The following GSTCD variants were observed in gnomAD, a reference collection of about 807,000 sequenced individuals.
The protein encoded by GSTCD is glutathione S-transferase C-terminal domain containing, also known as glutathione S-transferase C-terminal domain-containing protein.
In GSTCD, 44 loss-of-function variants were observed where a neutral mutation model predicts 68.3. The observed-to-expected ratio is 0.64, with a 90% CI of 0.51 to 0.83. GSTCD has a LOEUF of 0.83. GSTCD is among the 40% of genes least tolerant of loss of function. The probability of loss-of-function intolerance (pLI) is 0.00; values close to 1 mark genes in which losing one functional copy is unlikely to be tolerated. For synonymous variants in GSTCD, 273 were observed against 255.2 expected, an observed-to-expected ratio of 1.07 and a Z score of -0.67; for missense variants, 739 against 735.9, an observed-to-expected ratio of 1.00 and a Z score of -0.05.
At chr4:105,797,046 ATG>A (rs201988913) in intron 5 of GSTCD, among the ~76,000 whole-genome samples, 2,406 of 145,048 alleles carry the variant, frequency 0.017, 28 homozygotes, top group East Asian at 0.035. Context: ...ACAGAGATAC[ATG>A]TGTGTGTGTG....
intron 5 of GSTCD, among the ~76,000 whole-genome samples, chr4:105,744,580 A>G (rs1733740265): frequency 6.6e-6 from 1 of 152,120 alleles, no homozygotes; most frequent in African/African-American, 2.4e-5. Context: ...ATTCAACACT[A>G]TTATTGTTAG....
At chr4:105,767,635 A>T (rs1734670324) in intron 5 of GSTCD, among the ~76,000 whole-genome samples, 1 of 152,200 alleles carries the variant, frequency 6.6e-6, no homozygotes, top group African/African-American at 2.4e-5. Context: ...CTGTGGATCT[A>T]AGAAGACAGA....
intron 5 of GSTCD, among the ~76,000 whole-genome samples, chr4:105,804,880 G>A (rs1160571689): frequency 6.6e-6 from 1 of 152,014 alleles, no homozygotes; most frequent in African/African-American, 2.4e-5. Context: ...GTTTATAAGT[G>A]AGAACATGCA....
intron 5 of GSTCD, among the ~76,000 whole-genome samples, chr4:105,783,957 A>G (rs929817700): frequency 3.3e-5 from 5 of 152,148 alleles, no homozygotes; most frequent in African/African-American, 1.2e-4. Flanking sequence ...CATATTATGG[A>G]TTTGGGGCAG....
At chr4:105,747,364 G>A (rs1733841039) in intron 5 of GSTCD, among the ~76,000 whole-genome samples, 1 of 152,150 alleles carries the variant, frequency 6.6e-6, no homozygotes, top group Admixed American at 6.5e-5. Context: ...AGATTGCAGG[G>A]CCCTACCCCA....
At chr4:105,744,113 G>A (rs1412374564) in intron 5 of GSTCD, among the ~76,000 whole-genome samples, 1 of 152,142 alleles carries the variant, frequency 6.6e-6, no homozygotes, top group African/African-American at 2.4e-5. Context: ...TCATAACATG[G>A]TCATTTTTGG....
At chr4:105,720,403 C>G (rs747686295) in intron 3 of GSTCD, among the ~76,000 whole-genome samples, 2 of 152,142 alleles carry the variant, frequency 1.3e-5, no homozygotes, top group Non-Finnish European at 2.9e-5. Context: ...AGATTTCATT[C>G]TCATTATATA....
chr4:105,719,373 C>T lies in GSTCD; in HGVS notation c.740C>T (p.Thr247Ile), dbSNP rs1237410400. The T allele has an allele frequency of 3.1e-6, 5 of 1,614,106 alleles. No individual in the cohort carries two copies. The South Asian group carries it at 5.5e-5, about 18-fold the overall frequency. ...LELKVAFSKLTVQEEPATTNR... is the reference protein window; with the variant it reads ...LELKVAFSKLIVQEEPATTNR... ...CTGAAAGTGGCATTCTCAAAGCTCACAGTACAGGAAGAACCAGCTACTACC... is the reference window on the plus strand; with the variant it reads ...CTGAAAGTGGCATTCTCAAAGCTCATAGTACAGGAAGAACCAGCTACTACC... Residue 247 changes from threonine to isoleucine, a missense_variant, in exon 3 of 12, where the codon ACA becomes ATA. By Grantham distance (89) the Thr-to-Ile change is moderately conservative. Transcript: ENST00000515279.
intron 5 of GSTCD, among the ~76,000 whole-genome samples, chr4:105,798,578 A>G (rs1340465963): frequency 6.6e-6 from 1 of 152,208 alleles, no homozygotes; most frequent in African/African-American, 2.4e-5. Context: ...AGCAGACATA[A>G]AAACAACATT....
intron 5 of GSTCD, among the ~76,000 whole-genome samples, chr4:105,788,767 A>G (rs1735557248): frequency 1.3e-5 from 2 of 152,072 alleles, no homozygotes; most frequent in African/African-American, 4.8e-5. Context: ...TTTGTGTAGT[A>G]TAAATTAAGA....
Position 105,779,548 on chromosome 4 carries a change from C to A in GSTCD, c.1241-43406C>A, listed in dbSNP as rs185909755. Among the ~76,000 whole-genome samples the A allele has an allele frequency of 8.3e-4, 126 of 152,162 alleles. No homozygotes were observed. In the Middle Eastern group the frequency reaches 0.01, roughly 12 times the overall value. On this transcript the variant is annotated intron_variant, in intron 5 of 11. Transcript: ENST00000515279. ...AATATTAAGTATGGAATAACACTTT[C>A]TCTGCAAGGTTCTCTGTCAAATTTT...
At chr4:105,714,951 T>C (rs565579197) in intron 1 of GSTCD, among the ~76,000 whole-genome samples, 1 of 152,310 alleles carries the variant, frequency 6.6e-6, no homozygotes, top group Admixed American at 6.5e-5. Flanking sequence ...CTACATATCT[T>C]AAAAGCTATT....
rs201818127 is a variant in GSTCD at position 105,719,069 on chromosome 4, T to C, written c.436T>C (p.Trp146Arg). The C allele has an allele frequency of 1.2e-6, 2 of 1,603,694 alleles. No homozygotes were observed. The highest frequency in any genetic ancestry group is 1.1e-5 in the South Asian group (1 of 90,026). ...TGTTTTTGTTTTGTAGGTTAGTCAGTGGACCAGGCTATGTGAACTCACCAT... is the reference window on the plus strand; with the variant it reads ...TGTTTTTGTTTTGTAGGTTAGTCAGCGGACCAGGCTATGTGAACTCACCAT... ...CLKACAEVSQ[W>R]TRLCELTIPL... The change falls in exon 3 of 12, where the codon TGG (tryptophan) becomes CGG (arginine). Residue 146 changes from tryptophan to arginine, a missense_variant. By Grantham distance (101) the Trp-to-Arg change is moderately radical (BLOSUM62 -3). Transcript: ENST00000515279.
At chr4:105,791,868 T>C (rs2149256069) in intron 5 of GSTCD, among the ~76,000 whole-genome samples, 1 of 152,248 alleles carries the variant, frequency 6.6e-6, no homozygotes, top group Admixed American at 6.5e-5. Flanking sequence ...TTCGTAGCAC[T>C]ACTAGACCAA....
intron 5 of GSTCD, among the ~76,000 whole-genome samples, chr4:105,794,881 A>G (rs962316952): frequency 7.6e-6 from 1 of 131,728 alleles, no homozygotes; most frequent in Non-Finnish European, 1.6e-5. Flanking sequence ...CTATCTATCT[A>G]TCTATCTATC....
intron 5 of GSTCD, among the ~76,000 whole-genome samples, chr4:105,750,261 C>T (rs916968901): frequency 4.6e-5 from 7 of 151,934 alleles, no homozygotes; most frequent in African/African-American, 1.7e-4. Context: ...GTCAGGAGTT[C>T]GATACCAGCC....
chr4:105,776,806 C>T (rs188903807), intron 5 of GSTCD, among the ~76,000 whole-genome samples: 8 of 152,288 alleles, frequency 5.3e-5, no homozygotes, highest in Admixed American at 2.0e-4. Flanking sequence ...CCTGATACTC[C>T]GTACATTCTT....
intron 1 of GSTCD, among the ~76,000 whole-genome samples, chr4:105,717,295 T>C: frequency 6.6e-6 from 1 of 152,198 alleles, no homozygotes; most frequent in Non-Finnish European, 1.5e-5. Flanking sequence ...TCTCCTGTTC[T>C]CACATATAGT....
intron 3 of GSTCD, among the ~76,000 whole-genome samples, chr4:105,723,477 G>C (rs974419788): frequency 6.6e-6 from 1 of 151,772 alleles, no homozygotes; most frequent in African/African-American, 2.4e-5. Flanking sequence ...TATTTGCACA[G>C]TGTTTATATT....
Sources: allele counts gnomAD v4.1 joint callset (sites outside exome capture counted in the v4.1 genomes callset), GRCh38; gene constraint gnomAD v4.1.1; transcripts MANE v1.5; gene names NCBI Gene and HGNC (gene_info 2026-07-23, HGNC 2026-07-21).